The following KHDRBS2 variants were observed in gnomAD, a reference collection of about 807,000 sequenced individuals.
KHDRBS2 encodes KH domain-containing, RNA-binding, signal transduction-associated protein 2.
A neutral mutation model predicts 44.3 loss-of-function variants in KHDRBS2; 26 were observed. The observed-to-expected ratio is 0.59, with a 90% confidence interval of 0.43 to 0.81. KHDRBS2 has a LOEUF of 0.81. KHDRBS2 is among the 40% of genes least tolerant of loss of function. The pLI, the probability that KHDRBS2 is intolerant of heterozygous loss-of-function variation, is 0.00. For synonymous variants in KHDRBS2, 194 were observed against 151.1 expected (o/e 1.28, Z -2.08); for missense variants, 476 against 433.1 (o/e 1.10, Z -0.88).
intron 4 of KHDRBS2, among the ~76,000 whole-genome samples, chr6:61,915,738 T>C (rs1388354994): frequency 6.6e-6 from 1 of 152,066 alleles, no homozygotes; most frequent in African/African-American, 2.4e-5. Flanking sequence ...AAAGATAATG[T>C]TACAAAAAGA....
At chr6:62,270,495 AT>A (rs1839918690) in intron 1 of KHDRBS2, among the ~76,000 whole-genome samples, 1 of 151,914 alleles carries the variant, frequency 6.6e-6, no homozygotes, top group African/African-American at 2.4e-5. Context: ...TTCTTTATAA[AT>A]TACCCAGCCT....
chr6:62,091,050 C>A (rs1799404283), intron 2 of KHDRBS2, among the ~76,000 whole-genome samples: 3 of 152,236 alleles, frequency 2.0e-5, no homozygotes, highest in South Asian at 4.1e-4. Flanking sequence ...CTGTTCATTG[C>A]AACCTAGCTG....
chr6:61,669,068 A>G, the KHDRBS2 span, among the ~76,000 whole-genome samples: 1 of 150,988 alleles, frequency 6.6e-6, no homozygotes, highest in South Asian at 2.1e-4. Flanking sequence ...ACTTAGATAC[A>G]CATAGCTTCC....
intron 1 of KHDRBS2, among the ~76,000 whole-genome samples, chr6:62,215,118 GAAAAAT>G (rs1353949496): frequency 6.6e-6 from 1 of 151,804 alleles, no homozygotes; most frequent in Non-Finnish European, 1.5e-5. Flanking sequence ...AGAACCAGTT[GAAAAAT>G]AACAGTGAAG....
At chr6:61,956,652 A>T (rs1767394689) in intron 4 of KHDRBS2, among the ~76,000 whole-genome samples, 1 of 152,056 alleles carries the variant, frequency 6.6e-6, no homozygotes, top group South Asian at 2.1e-4. Flanking sequence ...TTAAAAAATG[A>T]GACCAGGTAA....
intron 6 of KHDRBS2, among the ~76,000 whole-genome samples, chr6:61,749,230 A>G (rs1403111554): frequency 6.6e-6 from 1 of 151,496 alleles, no homozygotes; most frequent in African/African-American, 2.4e-5. Flanking sequence ...AGCCAGGATG[A>G]TCTCGATCTC....
At chr6:62,158,308 T>C (rs946705995) in intron 2 of KHDRBS2, among the ~76,000 whole-genome samples, 5 of 152,178 alleles carry the variant, frequency 3.3e-5, no homozygotes, top group Non-Finnish European at 5.9e-5. Context: ...TGTGTCAGCT[T>C]ACACCATGTG....
chr6:61,759,962 A>G (rs1779037916), intron 6 of KHDRBS2, among the ~76,000 whole-genome samples: 1 of 152,224 alleles, frequency 6.6e-6, no homozygotes, highest in African/African-American at 2.4e-5. Context: ...CTAAATGGAA[A>G]ACTTGATTTA....
intron 6 of KHDRBS2, among the ~76,000 whole-genome samples, chr6:61,776,746 T>C: frequency 6.6e-6 from 1 of 152,154 alleles, no homozygotes; most frequent in East Asian, 1.9e-4. Context: ...CTCAGGGATA[T>C]AGAACTAGAA....
At chr6:61,955,199 C>A (rs1353756885) in intron 4 of KHDRBS2, among the ~76,000 whole-genome samples, 1 of 141,248 alleles carries the variant, frequency 7.1e-6, no homozygotes, top group East Asian at 2.2e-4. Flanking sequence ...TGTATGTATA[C>A]ATATATATGT....
chr6:61,735,490 C>T (rs1406649548), intron 6 of KHDRBS2, among the ~76,000 whole-genome samples: 2 of 152,076 alleles, frequency 1.3e-5, no homozygotes, highest in African/African-American at 2.4e-5. Context: ...TCTTGCATAG[C>T]TATTTTTCAA....
chr6:62,063,031 G>T (rs540523816), intron 2 of KHDRBS2, among the ~76,000 whole-genome samples: 1,951 of 149,734 alleles, frequency 0.013, 139 homozygotes, highest in Admixed American at 0.11. Flanking sequence ...AAATCTAGAA[G>T]AAATGGATAC....
At chr6:61,936,561 C>A (rs1473024048) in intron 4 of KHDRBS2, among the ~76,000 whole-genome samples, 1 of 151,754 alleles carries the variant, frequency 6.6e-6, no homozygotes, top group Non-Finnish European at 1.5e-5. Flanking sequence ...ATTTGGGACT[C>A]ATCTTTATTT....
At chr6:61,897,348 T>A (rs148825728) in intron 5 of KHDRBS2, among the ~76,000 whole-genome samples, 6 of 152,236 alleles carry the variant, frequency 3.9e-5, no homozygotes, top group Non-Finnish European at 7.4e-5. Context: ...GTTCTAAGTT[T>A]TTTAAAAATA....
rs1392135277 is a variant in KHDRBS2, at chr6:61,955,575, CGT to C, written c.483+22489_483+22490del. On this transcript the variant is annotated intron_variant, in intron 4 of 8. Coordinates refer to ENST00000281156, the MANE Select transcript of KHDRBS2 (RefSeq NM_152688.4). ...GTATGTATACATGTGTATATATACA[CGT>C]ATGTATGTATGTATACATGTGTGTA... 5.4e-5 allele frequency among the ~76,000 whole-genome samples: 4 copies of C among 74,478 alleles called. 1 individual carries two copies. Among genetic ancestry groups the C allele is most frequent in the African/African-American group, 1.6e-4 (4 of 24,418 alleles). The allele number at this position is 74,478 out of a possible 152,430, so 48.9% of individuals were successfully genotyped here. A position where few individuals can be genotyped will look rare whatever the true frequency, so the allele number is the denominator to read the frequency against.
intron 2 of KHDRBS2, among the ~76,000 whole-genome samples, chr6:62,075,214 A>T (rs1197106926): frequency 4.0e-5 from 6 of 151,886 alleles, no homozygotes; most frequent in Non-Finnish European, 5.9e-5. Context: ...GGAGGTGATC[A>T]GGTCACGAGG....
intron 1 of KHDRBS2, among the ~76,000 whole-genome samples, chr6:62,275,335 C>T (rs1460970759): frequency 6.6e-6 from 1 of 152,048 alleles, no homozygotes; most frequent in African/African-American, 2.4e-5. Flanking sequence ...CTTAAAGGCC[C>T]CCTTTTCCAC....
At chr6:62,279,897 C>T (rs76209562) in intron 1 of KHDRBS2, among the ~76,000 whole-genome samples, 7,940 of 152,202 alleles carry the variant, frequency 0.052, 292 homozygotes, top group Middle Eastern at 0.071. Flanking sequence ...TTGGCCTCTA[C>T]CTGGCACCAT....
At chr6:61,574,313 T>C in the KHDRBS2 span, 6 of 1,522,708 alleles carry the variant, frequency 3.9e-6, no homozygotes, top group Admixed American at 3.9e-5. Flanking sequence ...GTTCCTTAAA[T>C]AGGGACTTGT....
Sources: gnomAD v4.1 joint callset for allele counts (sites outside exome capture counted in the v4.1 genomes callset) on GRCh38, gnomAD v4.1.1 for gene constraint, MANE v1.5 for transcripts, NCBI Gene and HGNC (gene_info 2026-07-23, HGNC 2026-07-21) for gene names.